Variants in ARL13B observed in about 807,000 individuals in gnomAD.
ARL13B encodes ARF like GTPase 13B.
Under a neutral mutation model 56.1 loss-of-function variants are expected in ARL13B, and 36 were observed. The ratio of observed to expected loss-of-function variants is 0.64; its 90% CI spans 0.49 to 0.85. The LOEUF is 0.85. ARL13B is among the 40% of genes least tolerant of loss of function. The pLI, the probability that ARL13B is intolerant of heterozygous loss-of-function variation, is 0.00. For synonymous variants in ARL13B, 178 were observed against 171.1 expected, an observed-to-expected ratio of 1.04 and a Z score of -0.32; for missense variants, 519 against 507.1, an observed-to-expected ratio of 1.02 and a Z score of -0.23.
chr3:93,986,502 T>C (rs1390724745), intron 1 of ARL13B, among the ~76,000 whole-genome samples: 1 of 152,208 alleles, frequency 6.6e-6, no homozygotes, highest in Non-Finnish European at 1.5e-5. Flanking sequence ...TCTAAAGTCT[T>C]TTTTTGTATA....
chr3:94,011,316 G>A (rs1415653106), intron 3 of ARL13B, among the ~76,000 whole-genome samples: 2 of 152,080 alleles, frequency 1.3e-5, no homozygotes, highest in Non-Finnish European at 2.9e-5. Context: ...TTAGTAATAC[G>A]TGACTGTGAT....
intron 1 of ARL13B, among the ~76,000 whole-genome samples, chr3:93,983,119 G>A (rs1710296959): frequency 6.6e-6 from 1 of 152,120 alleles, no homozygotes; most frequent in Non-Finnish European, 1.5e-5. Flanking sequence ...AGATTACTTT[G>A]CAGATTTGTT....
intron 3 of ARL13B, among the ~76,000 whole-genome samples, chr3:94,027,495 G>A (rs2076582254): frequency 6.6e-6 from 1 of 152,012 alleles, no homozygotes. Flanking sequence ...CAAGTAAGCT[G>A]TACATACATA....
chr3:94,017,489 G>A (rs937614936), intron 3 of ARL13B, among the ~76,000 whole-genome samples: 1 of 152,134 alleles, frequency 6.6e-6, no homozygotes, highest in Non-Finnish European at 1.5e-5. Flanking sequence ...CCTGTTTTGG[G>A]TAAAAGGTTA....
chr3:94,042,195 G>A (rs966254644), intron 6 of ARL13B, among the ~76,000 whole-genome samples: 1 of 152,146 alleles, frequency 6.6e-6, no homozygotes, highest in Non-Finnish European at 1.5e-5. Context: ...GGTCAATCAT[G>A]ATATGTGGTA....
intron 3 of ARL13B, among the ~76,000 whole-genome samples, chr3:94,023,513 A>C (rs2107020455): frequency 6.6e-6 from 1 of 152,090 alleles, no homozygotes; most frequent in African/African-American, 2.4e-5. Context: ...AATTTCTTTA[A>C]GAACTTTATT....
intron 1 of ARL13B, among the ~76,000 whole-genome samples, chr3:93,984,505 G>T (rs1710358658): frequency 6.6e-6 from 1 of 152,144 alleles, no homozygotes; most frequent in African/African-American, 2.4e-5. Context: ...GTCTCAGGAA[G>T]GTTTCAGAGG....
chr3:94,047,594 G>A (rs540068281), intron 7 of ARL13B, among the ~76,000 whole-genome samples: 3 of 152,144 alleles, frequency 2.0e-5, no homozygotes, highest in South Asian at 4.1e-4. Context: ...CAATCCCAGG[G>A]TATAGTATTC....
At chr3:94,003,166 A>G (rs1311860165) in intron 2 of ARL13B, among the ~76,000 whole-genome samples, 1 of 152,142 alleles carries the variant, frequency 6.6e-6, no homozygotes, top group Non-Finnish European at 1.5e-5. Context: ...TCTTTATTGT[A>G]AATATAACTT....
chr3:94,021,276 C>A (rs2076443793), intron 3 of ARL13B, among the ~76,000 whole-genome samples: 1 of 151,506 alleles, frequency 6.6e-6, no homozygotes, highest in South Asian at 2.1e-4. Flanking sequence ...TCACTGCAAT[C>A]TCCACCTCCT....
At position 94,043,190 on chromosome 3, in the gene ARL13B, C is replaced by G; in HGVS notation, c.974C>G (p.Thr325Arg). 1 of 1,613,464 alleles carries G rather than the reference C, an allele frequency of 6.2e-7. No individual in the cohort carries two copies. The highest frequency in any genetic ancestry group is 8.5e-7 in the Non-Finnish European group (1 of 1,179,880). ...GTAGAAAATTATAAGGAGGCATTAACACAGCAGTTAAAGAATGAAGATGAG... is the reference window on the plus strand; with the variant it reads ...GTAGAAAATTATAAGGAGGCATTAAGACAGCAGTTAAAGAATGAAGATGAG... ...GLVENYKEAL[T>R]QQLKNEDETD... Residue 325 changes from threonine (T) to arginine (R), a missense_variant, in exon 7 of 10, where the codon ACA becomes AGA. Transcript: ENST00000394222.
chr3:94,004,477 G>A (rs978423825), intron 3 of ARL13B, among the ~76,000 whole-genome samples: 45 of 152,092 alleles, frequency 3.0e-4, no homozygotes, highest in African/African-American at 1.1e-3. Context: ...AGCCCTCATA[G>A]CATTTATGCA....
chr3:94,002,504 A>G (rs550790959), intron 2 of ARL13B, among the ~76,000 whole-genome samples: 60 of 152,338 alleles, frequency 3.9e-4, no homozygotes, highest in Admixed American at 1.6e-3. Context: ...GCTCTGAACA[A>G]TGTTTTCTGT....
intron 2 of ARL13B, among the ~76,000 whole-genome samples, chr3:93,999,385 T>A (rs1342909741): frequency 6.6e-6 from 1 of 152,106 alleles, no homozygotes; most frequent in Non-Finnish European, 1.5e-5. Flanking sequence ...AGACTAGAGG[T>A]GTGCTCCACA....
At chr3:94,011,205 A>G (rs535496870) in intron 3 of ARL13B, among the ~76,000 whole-genome samples, 112 of 152,248 alleles carry the variant, frequency 7.4e-4, no homozygotes, top group African/African-American at 2.6e-3. Flanking sequence ...CTCTCTTGAC[A>G]TATTTTCCTT....
intron 7 of ARL13B, chr3:94,047,781 CTT>C (rs1341306014): frequency 4.6e-5 from 7 of 152,098 alleles, no homozygotes; most frequent in Non-Finnish European, 1.0e-4. Context: ...TCTTCCACAT[CTT>C]GTGGATCTAT....
At chr3:94,003,072 A>G (rs2076079454) in intron 2 of ARL13B, among the ~76,000 whole-genome samples, 1 of 152,136 alleles carries the variant, frequency 6.6e-6, no homozygotes, top group Admixed American at 6.6e-5. Flanking sequence ...AAAAAATTCA[A>G]TTATGTATTT....
At chr3:94,009,344 A>T (rs1224856319) in intron 3 of ARL13B, among the ~76,000 whole-genome samples, 1 of 151,784 alleles carries the variant, frequency 6.6e-6, no homozygotes, top group Non-Finnish European at 1.5e-5. Flanking sequence ...TTTGTTTCCA[A>T]CCTTTATATG....
chr3:94,036,729 C>T lies in ARL13B; in HGVS notation c.664C>T (p.Arg222Ter), dbSNP rs1417271769. Residue 222 changes from arginine (R) to a stop codon, truncating the protein, a stop_gained, in exon 5 of 10, where the codon CGA (arginine) becomes TGA (stop). Transcript: ENST00000394222. LOFTEE classifies it high-confidence loss of function. ...EEQEKQERAE[R>*]VRKLREERKQ... ...ACAAGAGAAACAAGAAAGAGCTGAA[C>T]GAGTGCGAAAATTACGAGAAGAAAG... The T allele has an allele frequency of 8.1e-6, 13 of 1,612,918 alleles. No homozygotes were observed. The highest frequency in any genetic ancestry group is 1.0e-5 in the Non-Finnish European group (12 of 1,179,372).
Sources: gnomAD v4.1 joint callset for allele counts (sites outside exome capture counted in the v4.1 genomes callset) on GRCh38, gnomAD v4.1.1 for gene constraint, MANE v1.5 for transcripts, NCBI Gene and HGNC (gene_info 2026-07-23, HGNC 2026-07-21) for gene names.